Variants in KIF26B observed in about 807,000 individuals in gnomAD.
KIF26B encodes the protein kinesin-like protein KIF26B.
In KIF26B, 63 loss-of-function variants were observed where a neutral mutation model predicts 151.2. That is an observed-to-expected ratio of 0.42 (90% CI 0.34 to 0.51). The LOEUF (loss-of-function observed/expected upper bound fraction) is 0.51. KIF26B is among the 20% of genes least tolerant of loss of function. The probability of loss-of-function intolerance (pLI) is 0.07; values close to 1 mark genes in which losing one functional copy is unlikely to be tolerated. For synonymous variants in KIF26B, 1,357 were observed against 1,262.1 expected, an observed-to-expected ratio of 1.08 and a Z score of -1.59; for missense variants, 2,813 against 2,913.6, an observed-to-expected ratio of 0.97 and a Z score of 0.79.
At chr1:245,303,410 G>C (rs576946152) in intron 2 of KIF26B, among the ~76,000 whole-genome samples, 33 of 150,666 alleles carry the variant, frequency 2.2e-4, no homozygotes, top group Non-Finnish European at 3.2e-4. Context: ...GTGTTAGCCA[G>C]GATGGTCTCG....
In KIF26B at chr1:245,166,199, T is replaced by C. The variant is rs542469532; in HGVS notation, c.465+9516T>C. Among the ~76,000 whole-genome samples, 2 of 152,342 alleles carry C rather than the reference T, an allele frequency of 1.3e-5. No homozygotes were observed. Among genetic ancestry groups the C allele is most frequent in the Admixed American group, 1.3e-4 (2 of 15,302 alleles). ...CTAGTCAACCATCGCTTTCTGTTATTATTCCAGTGACTTTCCACAGGAAGT... is the reference window on the plus strand; with the variant it reads ...CTAGTCAACCATCGCTTTCTGTTATCATTCCAGTGACTTTCCACAGGAAGT... On this transcript the variant is annotated intron_variant, in intron 2 of 14. Coordinates refer to ENST00000407071, the MANE Select transcript of KIF26B (RefSeq NM_018012.4). The surrounding 1 kb of genome is among the most constrained non-coding windows in gnomAD (Gnocchi z 4.5).
intron 4 of KIF26B, among the ~76,000 whole-genome samples, chr1:245,515,367 C>T (rs1660937912): frequency 1.3e-5 from 2 of 152,166 alleles, no homozygotes; most frequent in African/African-American, 2.4e-5. Flanking sequence ...CTTTCCCACT[C>T]GACTGTCATC....
At chr1:245,156,818 C>T (rs1217831096) in intron 2 of KIF26B, 135 bp downstream of exon 2, 4 of 489,844 alleles carry the variant, frequency 8.2e-6, no homozygotes, top group Non-Finnish European at 1.3e-5. Context: ...TGGGGATGCT[C>T]CACACCTCAC....
At chr1:245,640,175 T>TTA in intron 9 of KIF26B, among the ~76,000 whole-genome samples, 1 of 60,732 alleles carries the variant, frequency 1.6e-5, no homozygotes, top group East Asian at 6.9e-4. Context: ...TGCTATTTGG[T>TTA]TATATATATT....
rs926023340 is a variant in KIF26B, at chr1:245,564,768, G to A, written c.1350+23818G>A. Among the ~76,000 whole-genome samples, 1 of 152,158 alleles carries A rather than the reference G, an allele frequency of 6.6e-6. No homozygotes were observed. Among genetic ancestry groups the A allele is most frequent in the Non-Finnish European group, 1.5e-5 (1 of 68,028 alleles). ...TCCCACGGACCAAGGGTGGTGGTGG[G>A]GGATGATGATTTCAGGAAGATTCCA... On this transcript the variant is annotated intron_variant, in intron 5 of 14. Coordinates refer to ENST00000407071, the MANE Select transcript of KIF26B (RefSeq NM_018012.4). The surrounding 1 kb of genome is among the most constrained non-coding windows in gnomAD (Gnocchi z 4.6).
intron 10 of KIF26B, among the ~76,000 whole-genome samples, chr1:245,666,377 A>C (rs2044214380): frequency 6.6e-6 from 1 of 152,190 alleles, no homozygotes; most frequent in African/African-American, 2.4e-5. Flanking sequence ...TATTTTGAAT[A>C]AAGAAATGAA....
At chr1:245,369,449 A>G (rs1673053345) in intron 3 of KIF26B, among the ~76,000 whole-genome samples, 1 of 152,184 alleles carries the variant, frequency 6.6e-6, no homozygotes, top group Non-Finnish European at 1.5e-5. Context: ...AAAGTGGGAA[A>G]CGTTGATCAT....
At chr1:245,515,269 C>G (rs1012923560) in intron 4 of KIF26B, among the ~76,000 whole-genome samples, 1 of 152,156 alleles carries the variant, frequency 6.6e-6, no homozygotes, top group Non-Finnish European at 1.5e-5. Flanking sequence ...CTCCCCTGAT[C>G]CCCTGAGCCC....
At chr1:245,674,550 C>T (rs997813365) in intron 10 of KIF26B, among the ~76,000 whole-genome samples, 13 of 152,162 alleles carry the variant, frequency 8.5e-5, no homozygotes, top group Admixed American at 6.5e-5. Context: ...TCTATTGATT[C>T]AGGAGAAATC....
intron 3 of KIF26B, among the ~76,000 whole-genome samples, chr1:245,376,265 C>T (rs905966045): frequency 3.9e-5 from 6 of 152,136 alleles, no homozygotes; most frequent in African/African-American, 7.2e-5. Flanking sequence ...GCACTTTGGA[C>T]GTTGTAGAGC....
intron 2 of KIF26B, among the ~76,000 whole-genome samples, chr1:245,175,216 A>G (rs576062062): frequency 6.6e-6 from 1 of 152,276 alleles, no homozygotes; most frequent in East Asian, 1.9e-4. Flanking sequence ...CAGAGGTGAA[A>G]GGCTACATAT....
chr1:245,588,140 T>G (rs2043246798), intron 5 of KIF26B, among the ~76,000 whole-genome samples: 1 of 152,138 alleles, frequency 6.6e-6, no homozygotes, highest in Admixed American at 6.6e-5. Context: ...CGGCATATAC[T>G]TTAATTTGGT....
At chr1:245,228,316 A>G (rs964680465) in intron 2 of KIF26B, among the ~76,000 whole-genome samples, 5 of 152,124 alleles carry the variant, frequency 3.3e-5, no homozygotes, top group Non-Finnish European at 7.4e-5. Context: ...GTATCTTCCC[A>G]TGTATCCTTA....
chr1:245,543,938 A>T (rs1661682005), intron 5 of KIF26B, among the ~76,000 whole-genome samples: 1 of 152,000 alleles, frequency 6.6e-6, no homozygotes, highest in African/African-American at 2.4e-5. Context: ...ACAGAGCGAG[A>T]CTCCATCTCA....
intron 3 of KIF26B, among the ~76,000 whole-genome samples, chr1:245,387,168 G>T (rs930294285): frequency 4.8e-4 from 67 of 140,118 alleles, no homozygotes; most frequent in Non-Finnish European, 6.1e-4. Flanking sequence ...TTTGTTTTTT[G>T]TTTTTTGTTT....
At chr1:245,196,956 T>G (rs1350185926) in intron 2 of KIF26B, among the ~76,000 whole-genome samples, 1 of 152,196 alleles carries the variant, frequency 6.6e-6, no homozygotes, top group African/African-American at 2.4e-5. Flanking sequence ...TATAGCTCCT[T>G]CGGTGTTTGG....
In KIF26B at chr1:245,687,813, C is replaced by A. The variant is rs1224787007; in HGVS notation, c.4830C>A (p.Asn1610Lys). The change falls in exon 12 of 15, where the codon AAC (asparagine) becomes AAA (lysine). Residue 1610 changes from asparagine (N) to lysine (K), a missense_variant. By Grantham distance (94) the Asn-to-Lys change is moderately conservative. Around this residue, in one of 3 missense-constraint regions of KIF26B, gnomAD observed 2,060 missense variants for 2,088.6 expected, o/e 0.99. Coordinates refer to ENST00000407071, the MANE Select transcript of KIF26B (RefSeq NM_018012.4). This position sits in a 1 kb window ranked among gnomAD's most constrained non-coding sequence, Gnocchi z 4.9. Reference sequence around the variant, plus strand: ...GAAAGTCCAGCCTGGACCAGAAGAACCGGGCCAGCCCTCAGCACAGTGCCA... The same window carrying A: ...GAAAGTCCAGCCTGGACCAGAAGAAACGGGCCAGCCCTCAGCACAGTGCCA... ...PVRKSSLDQK[N>K]RASPQHSASG... 3.1e-6 allele frequency: 5 copies of A among 1,595,294 alleles called. No homozygotes were observed. Among genetic ancestry groups the A allele is most frequent in the East Asian group, 2.3e-5 (1 of 43,628 alleles).
chr1:245,602,823 G>A lies in KIF26B; in HGVS notation c.1557+40G>A. On this transcript the variant is annotated intron_variant, in intron 6 of 14. Coordinates refer to ENST00000407071, the MANE Select transcript of KIF26B (RefSeq NM_018012.4). This position sits in a 1 kb window ranked among gnomAD's most constrained non-coding sequence, Gnocchi z 4.5. ...CCTCTCAGGCTCAGGCAACGTTGAT[G>A]AAAGGGCAACGTTTACTCATTCACA... 6.3e-7 allele frequency: 1 copy of A among 1,581,330 alleles called. No individual in the cohort carries two copies. The highest frequency in any genetic ancestry group is 8.7e-7 in the Non-Finnish European group (1 of 1,151,638).
At chr1:245,326,462 G>T (rs61744037) in intron 2 of KIF26B, among the ~76,000 whole-genome samples, 9 of 152,156 alleles carry the variant, frequency 5.9e-5, no homozygotes, top group Admixed American at 1.3e-4. Flanking sequence ...CCTCAGCCCA[G>T]AGATTCAAAT....
Sources: allele counts gnomAD v4.1 joint callset (sites outside exome capture counted in the v4.1 genomes callset), GRCh38; gene constraint gnomAD v4.1.1; regional missense constraint gnomAD v4.1.1; non-coding constraint Gnocchi (gnomAD v3.1); transcripts MANE v1.5; gene names NCBI Gene and HGNC (gene_info 2026-07-23, HGNC 2026-07-21).